The following TXNRD1 variants were observed in gnomAD, a reference collection of about 807,000 sequenced individuals.
TXNRD1 encodes thioredoxin reductase 1, cytoplasmic.
Under a neutral mutation model 80.3 loss-of-function variants are expected in TXNRD1, and 57 were observed. That is an observed-to-expected ratio of 0.71 (90% CI 0.57 to 0.89). The LOEUF (loss-of-function observed/expected upper bound fraction) is 0.89, where lower values mean the gene tolerates loss of function less well. Ranked by LOEUF, TXNRD1 falls within the 40% of genes least tolerant of loss-of-function variation. TXNRD1 has a pLI of 0.00. For synonymous variants in TXNRD1, 291 were observed against 285.2 expected (o/e 1.02, Z -0.20); for missense variants, 730 against 803.0 (o/e 0.91, Z 1.10).
intron 3 of TXNRD1, chr12:104,286,621 C>A: frequency 3.2e-6 from 2 of 630,966 alleles, no homozygotes; most frequent in Non-Finnish European, 3.9e-6. Flanking sequence ...AGGCCCAGGT[C>A]ACACTCCACA....
rs564361475 is a variant in TXNRD1, at chr12:104,230,937, G to A, written c.91+15044G>A. ...GGGCGCCATGATGTTTTACACACGT[G>A]AGGATGTGTGGGGGTGACCATGTTG... On this transcript the variant is annotated intron_variant, in intron 1 of 16. Coordinates refer to ENST00000525566, the MANE Select transcript of TXNRD1 (RefSeq NM_001093771.3). 2.0e-5 allele frequency among the ~76,000 whole-genome samples: 3 copies of A among 152,282 alleles called. No individual in the cohort carries two copies. In the South Asian group the frequency reaches 6.2e-4, roughly 32 times the overall value.
At chr12:104,280,971 T>C (rs1220307620) in intron 3 of TXNRD1, among the ~76,000 whole-genome samples, 3 of 152,222 alleles carry the variant, frequency 2.0e-5, no homozygotes, top group Non-Finnish European at 2.9e-5. Context: ...TAAATATCTT[T>C]TATGTTTGAC....
intron 5 of TXNRD1, among the ~76,000 whole-genome samples, chr12:104,312,164 G>T (rs2035161112): frequency 6.6e-6 from 1 of 152,084 alleles, no homozygotes. Flanking sequence ...TATAAAAAAA[G>T]ATGGGGAGCA....
At chr12:104,284,878 G>T (rs2033940079) in intron 3 of TXNRD1, among the ~76,000 whole-genome samples, 1 of 152,108 alleles carries the variant, frequency 6.6e-6, no homozygotes, top group East Asian at 1.9e-4. Context: ...AACATTTTAT[G>T]TTTATGATTT....
rs957907881 is a variant in TXNRD1, at chr12:104,217,525, G to A, written c.91+1632G>A. On this transcript the variant is annotated intron_variant, in intron 1 of 16. Transcript: ENST00000525566. ...GGTTTTCACCATGTTGGTCAGGCTG[G>A]TCTTGAACTCCTGACCTCAGGTGAT... Among the ~76,000 whole-genome samples, 3 of 152,024 alleles carry A rather than the reference G, an allele frequency of 2.0e-5. 1 individual carries two copies. The highest frequency in any genetic ancestry group is 4.4e-5 in the Non-Finnish European group (3 of 67,998).
At chr12:104,306,537 TG>T (rs1202076572) in intron 4 of TXNRD1, among the ~76,000 whole-genome samples, 2 of 150,198 alleles carry the variant, frequency 1.3e-5, no homozygotes, top group Non-Finnish European at 2.9e-5. Flanking sequence ...GTAAGTCTAG[TG>T]GTACAGGAAA....
Position 104,246,526 on chromosome 12 carries a change from G to GT in TXNRD1, c.92-4986dup, listed in dbSNP as rs66611871. Among the ~76,000 whole-genome samples the GT allele has an allele frequency of 1.3e-3, 174 of 133,134 alleles. 1 individual carries two copies. Among genetic ancestry groups the GT allele is most frequent in the Admixed American group, 3.7e-3 (51 of 13,610 alleles). 87.3% of individuals were successfully genotyped at this position (133,134 alleles called of 152,430 possible). ...AAGTACATTTTATTGCTTTGTGATG[G>GT]TTTTTTTTTTTTTTTGAGATGCAGT... On this transcript the variant is annotated intron_variant, in intron 1 of 16. Coordinates refer to ENST00000525566, the MANE Select transcript of TXNRD1 (RefSeq NM_001093771.3).
intron 4 of TXNRD1, chr12:104,304,900 A>T (rs371069815): frequency 6.2e-7 from 1 of 1,610,670 alleles, no homozygotes; most frequent in African/African-American, 1.3e-5. Context: ...CAGCTTTTGA[A>T]ATTTCTGAGG....
At chr12:104,252,661 TTTATATATATATA>T (rs1195866240) in intron 2 of TXNRD1, among the ~76,000 whole-genome samples, 1 of 58,588 alleles carries the variant, frequency 1.7e-5, no homozygotes, top group Non-Finnish European at 2.9e-5. Flanking sequence ...TTTATTATTT[TTTATATATATATA>T]TATATATATA....
chr12:104,341,129 G>A (rs552483850), intron 16 of TXNRD1, among the ~76,000 whole-genome samples: 1 of 152,270 alleles, frequency 6.6e-6, no homozygotes, highest in Admixed American at 6.5e-5. Context: ...GACACAGGAC[G>A]TCTCCTGAAG....
intron 5 of TXNRD1, 73 bp from the exon 6 acceptor site, chr12:104,313,172 T>C (rs189844424): frequency 3.7e-4 from 451 of 1,233,448 alleles, no homozygotes; most frequent in Admixed American, 5.1e-4. Context: ...AAAAAAATCA[T>C]GGATTTTTAA....
At chr12:104,275,060 A>G (rs1011189123) in intron 3 of TXNRD1, among the ~76,000 whole-genome samples, 2 of 152,200 alleles carry the variant, frequency 1.3e-5, no homozygotes, top group Non-Finnish European at 2.9e-5. Flanking sequence ...TGCAGGCACT[A>G]ATTTTTAAAG....
intron 1 of TXNRD1, among the ~76,000 whole-genome samples, chr12:104,247,000 G>T (rs1237857291): frequency 6.6e-6 from 1 of 152,004 alleles, no homozygotes; most frequent in Non-Finnish European, 1.5e-5. Context: ...CCAAATATTA[G>T]GAATTGATCT....
intron 14 of TXNRD1, among the ~76,000 whole-genome samples, chr12:104,332,340 TA>T (rs1333426617): frequency 6.6e-6 from 1 of 152,186 alleles, no homozygotes; most frequent in Non-Finnish European, 1.5e-5. Flanking sequence ...TTTTTAAAAA[TA>T]AAAAGCCTAT....
At chr12:104,324,812 AAC>A (rs1012424453) in intron 10 of TXNRD1, among the ~76,000 whole-genome samples, 5 of 152,172 alleles carry the variant, frequency 3.3e-5, no homozygotes, top group African/African-American at 1.2e-4. Context: ...GGTTCTGATA[AAC>A]ACCCACATCT....
chr12:104,316,388 T>TTTTA (rs999475859), intron 7 of TXNRD1, among the ~76,000 whole-genome samples: 3 of 152,068 alleles, frequency 2.0e-5, no homozygotes, highest in Admixed American at 6.6e-5. Flanking sequence ...TTAATTTTAT[T>TTTTA]TTTATTTATT....
chr12:104,285,406 G>A (rs1261470601), intron 3 of TXNRD1, among the ~76,000 whole-genome samples: 1 of 152,124 alleles, frequency 6.6e-6, no homozygotes, highest in Non-Finnish European at 1.5e-5. Context: ...ATAACTACAT[G>A]GTGCTACTCT....
chr12:104,268,287 T>A (rs1316856476), intron 3 of TXNRD1, among the ~76,000 whole-genome samples: 1 of 150,944 alleles, frequency 6.6e-6, no homozygotes, highest in African/African-American at 2.4e-5. Context: ...TGAGGTGGGC[T>A]GATCACGAGG....
chr12:104,277,673 T>C (rs2033784010), intron 3 of TXNRD1, among the ~76,000 whole-genome samples: 1 of 152,098 alleles, frequency 6.6e-6, no homozygotes, highest in Non-Finnish European at 1.5e-5. Context: ...TGATTTTCCT[T>C]GTTTGTTATC....
Sources: allele counts gnomAD v4.1 joint callset (sites outside exome capture counted in the v4.1 genomes callset), GRCh38; gene constraint gnomAD v4.1.1; transcripts MANE v1.5; gene names NCBI Gene and HGNC (gene_info 2026-07-23, HGNC 2026-07-21).